OPHN1: variants seen among roughly 807,000 people sequenced by gnomAD.
OPHN1 encodes the protein oligophrenin-1.
In OPHN1, 11 loss-of-function variants were observed where a neutral mutation model predicts 60.7. That is an observed-to-expected ratio of 0.18 (90% CI 0.11 to 0.30). OPHN1 has a LOEUF of 0.30. Ranked by LOEUF, OPHN1 falls within the 10% of genes least tolerant of loss-of-function variation. The probability of loss-of-function intolerance (pLI) is 1.00; values close to 1 mark genes in which losing one functional copy is unlikely to be tolerated. For synonymous variants in OPHN1, 226 were observed against 222.6 expected, an observed-to-expected ratio of 1.02 and a Z score of -0.14; for missense variants, 449 against 611.0, an observed-to-expected ratio of 0.73 and a Z score of 2.80.
At chrX:68,226,958 C>T (rs926530210) in intron 6 of OPHN1, among the ~76,000 whole-genome samples, 1 of 111,198 alleles carries the variant, frequency 9.0e-6, no homozygotes, top group Non-Finnish European at 1.9e-5. Flanking sequence ...GAGTCAAGTC[C>T]CATCATTGTG....
At chrX:68,276,689 T>A (rs1468043863) in intron 4 of OPHN1, among the ~76,000 whole-genome samples, 1 of 111,197 alleles carries the variant, frequency 9.0e-6, no homozygotes. Context: ...ACCTTGAATG[T>A]GAGTGGGCTT....
chrX:68,168,332 A>T lies in OPHN1; in HGVS notation c.1276+24587T>A, dbSNP rs775234767. ...CAGACCACGGTGCAATCAAACTAGA[A>T]CTCAGGATTAAAAAACTCACTCAAA... On this transcript the variant is annotated intron_variant, in intron 15 of 24. Coordinates refer to ENST00000355520, the MANE Select transcript of OPHN1 (RefSeq NM_002547.3). 2.3e-3 allele frequency among the ~76,000 whole-genome samples: 257 copies of T among 112,060 alleles called. 1 individual carries two copies. Among genetic ancestry groups the T allele is most frequent in the Non-Finnish European group, 4.2e-3 (226 of 53,226 alleles).
Position 68,392,801 on chromosome X carries a change from T to G in OPHN1, c.154+40066A>C, listed in dbSNP as rs192539704. 1.5e-3 allele frequency among the ~76,000 whole-genome samples: 162 copies of G among 108,872 alleles called. 1 individual carries two copies. Among genetic ancestry groups the G allele is most frequent in the African/African-American group, 5.0e-3 (151 of 29,911 alleles). The allele number at this position is 108,872 out of a possible 115,157, so 94.5% of individuals were successfully genotyped here. On this transcript the variant is annotated intron_variant, in intron 2 of 24. Transcript: ENST00000355520. ...GGGAGTGGTCAGAGAAGAGTTTGGCTGCTGGACAGCCAAACTCCAGGGGAA... is the reference window on the plus strand; with the variant it reads ...GGGAGTGGTCAGAGAAGAGTTTGGCGGCTGGACAGCCAAACTCCAGGGGAA...
intron 2 of OPHN1, among the ~76,000 whole-genome samples, chrX:68,384,733 AAG>A (rs1429749919): frequency 4.6e-5 from 5 of 109,428 alleles, no homozygotes; most frequent in African/African-American, 6.6e-5. Flanking sequence ...AAAAAAAAAA[AAG>A]AAGAAGAATA....
chrX:68,329,497 C>T (rs775645803), intron 2 of OPHN1, among the ~76,000 whole-genome samples: 2 of 112,014 alleles, frequency 1.8e-5, no homozygotes, highest in Admixed American at 1.9e-4. Flanking sequence ...ATTGAATGTT[C>T]CCAGTTGCTG....
intron 2 of OPHN1, among the ~76,000 whole-genome samples, chrX:68,380,344 C>T (rs900829282): frequency 4.3e-4 from 48 of 111,008 alleles, no homozygotes; most frequent in East Asian, 1.4e-3. Flanking sequence ...GTCTTGCTAG[C>T]GGTCTATCAA....
At chrX:68,367,582 C>A (rs2147725803) in intron 2 of OPHN1, among the ~76,000 whole-genome samples, 1 of 111,239 alleles carries the variant, frequency 9.0e-6, no homozygotes, top group Non-Finnish European at 1.9e-5. Context: ...TCCCAGTGTG[C>A]AACCCTGTAC....
chrX:68,297,905 T>C (rs1196333776), intron 3 of OPHN1, among the ~76,000 whole-genome samples: 1 of 111,767 alleles, frequency 8.9e-6, no homozygotes, highest in Non-Finnish European at 1.9e-5. Flanking sequence ...AGAAAAAGAC[T>C]TAAAGGATAA....
intron 2 of OPHN1, among the ~76,000 whole-genome samples, chrX:68,300,813 AAC>A (rs1247755863): frequency 8.9e-6 from 1 of 112,696 alleles, no homozygotes; most frequent in Non-Finnish European, 1.9e-5. Context: ...CCAAGGAAGG[AAC>A]AGTTATTAAT....
At chrX:68,432,665 T>C (rs1273745929) in intron 2 of OPHN1, among the ~76,000 whole-genome samples, 5 of 111,301 alleles carry the variant, frequency 4.5e-5, no homozygotes, top group Non-Finnish European at 7.5e-5. Flanking sequence ...TCAAAACCAC[T>C]AAAGGAAAAG....
intron 20 of OPHN1, chrX:68,071,402 G>A (rs1169890428): frequency 8.1e-6 from 6 of 739,129 alleles, no homozygotes; most frequent in Non-Finnish European, 1.1e-5. Flanking sequence ...ACATGAAAGT[G>A]GAGGTTCTCC....
chrX:68,081,026 T>C (rs2076972304), intron 19 of OPHN1, among the ~76,000 whole-genome samples: 1 of 111,183 alleles, frequency 9.0e-6, no homozygotes, highest in Admixed American at 9.6e-5. Context: ...TGGTTCCAGA[T>C]ACCCCCAAGT....
chrX:68,258,416 C>CCCCCA lies in OPHN1; in HGVS notation c.384+16317_384+16321dup, dbSNP rs1391648502. Among the ~76,000 whole-genome samples, 2 of 66,047 alleles carry CCCCCA rather than the reference C, an allele frequency of 3.0e-5. 1 individual carries two copies. The highest frequency in any genetic ancestry group is 5.2e-5 in the Non-Finnish European group (2 of 38,160). 57.4% of individuals were successfully genotyped at this position (66,047 alleles called of 115,157 possible). On this transcript the variant is annotated intron_variant, in intron 5 of 24. Coordinates refer to ENST00000355520, the MANE Select transcript of OPHN1 (RefSeq NM_002547.3). ...CCTCCCCCCTCCCCCCTCCTCCAAC[C>CCCCCA]CCCCACCCCACAACAGGCCCCTGTG...
At chrX:68,431,344 A>G (rs1403510894) in intron 2 of OPHN1, among the ~76,000 whole-genome samples, 1 of 112,378 alleles carries the variant, frequency 8.9e-6, no homozygotes, top group Non-Finnish European at 1.9e-5. Context: ...AAGGAAAAGC[A>G]CCGACTCCAC....
chrX:68,059,875 G>C (rs1211738807), intron 21 of OPHN1, among the ~76,000 whole-genome samples: 1 of 111,383 alleles, frequency 9.0e-6, no homozygotes, highest in Non-Finnish European at 1.9e-5. Context: ...AGGTCTCCTT[G>C]CTCCATGCTC....
At chrX:68,415,664 C>T (rs1458813862) in intron 2 of OPHN1, among the ~76,000 whole-genome samples, 1 of 111,748 alleles carries the variant, frequency 8.9e-6, no homozygotes, top group Non-Finnish European at 1.9e-5. Flanking sequence ...TCTCTGCCAA[C>T]GGAGCTTCAG....
At chrX:68,366,438 C>T (rs2078499440) in intron 2 of OPHN1, among the ~76,000 whole-genome samples, 1 of 110,787 alleles carries the variant, frequency 9.0e-6, no homozygotes, top group African/African-American at 3.3e-5. Context: ...AGGCAATGTT[C>T]CCACCTCAGC....
chrX:68,225,133 C>CAGTCTG (rs1231765914), intron 6 of OPHN1, among the ~76,000 whole-genome samples: 1 of 112,127 alleles, frequency 8.9e-6, no homozygotes, highest in Non-Finnish European at 1.9e-5. Context: ...GCAAGCACAG[C>CAGTCTG]AGTCTGAGAG....
intron 2 of OPHN1, among the ~76,000 whole-genome samples, chrX:68,384,562 A>C: frequency 9.0e-6 from 1 of 111,161 alleles, no homozygotes; most frequent in East Asian, 2.9e-4. Context: ...TCTACTGAAA[A>C]ACTACAAAAA....
Sources: allele counts gnomAD v4.1 joint callset (sites outside exome capture counted in the v4.1 genomes callset), GRCh38; gene constraint gnomAD v4.1.1; transcripts MANE v1.5; gene names NCBI Gene and HGNC (gene_info 2026-07-23, HGNC 2026-07-21).